The following HEATR5A variants were observed in gnomAD, a reference collection of about 807,000 sequenced individuals.
HEATR5A encodes the protein HEAT repeat containing 5A, also known as HEAT repeat-containing protein 5A.
HEATR5A carries 178 observed loss-of-function variants against 218.8 expected under a neutral mutation model. That is an observed-to-expected ratio of 0.81 (90% CI 0.72 to 0.92). HEATR5A has a LOEUF of 0.92. Ranked by LOEUF, HEATR5A falls within the 40% of genes least tolerant of loss-of-function variation. HEATR5A has a pLI of 0.00. For missense variants in HEATR5A, 2,420 were observed against 2,418.9 expected (o/e 1.00, Z -0.01); for synonymous variants, 864 against 871.6 (o/e 0.99, Z 0.15).
chr14:31,390,106 C>T (rs78525300), intron 6 of HEATR5A, among the ~76,000 whole-genome samples: 1,770 of 152,008 alleles, frequency 0.012, 19 homozygotes, highest in African/African-American at 0.035. Context: ...GTGTTCTAGG[C>T]AGAGGAAATG....
intron 13 of HEATR5A, among the ~76,000 whole-genome samples, chr14:31,367,569 A>ATTTTTTT (rs567217496): frequency 1.2e-4 from 7 of 60,316 alleles, no homozygotes; most frequent in East Asian, 5.9e-4. Flanking sequence ...TGCCCAGCTA[A>ATTTTTTT]TTTTTTTTTT....
intron 1 of HEATR5A, among the ~76,000 whole-genome samples, chr14:31,417,977 G>A (rs1342971400): frequency 1.3e-5 from 2 of 152,158 alleles, no homozygotes; most frequent in African/African-American, 4.8e-5. Context: ...GGAGGCCGAG[G>A]CGGGCGGATC....
In HEATR5A at chr14:31,316,545, T is replaced by C. The variant is rs1364953325; in HGVS notation, c.4039-596A>G. Reference sequence around the variant, plus strand: ...TTAAACATTTCTAGATGTATTAATATGGAGAAATGAAGCTATGAAATAATA... The same window carrying C: ...TTAAACATTTCTAGATGTATTAATACGGAGAAATGAAGCTATGAAATAATA... On this transcript the variant is annotated intron_variant, in intron 26 of 35. Coordinates refer to ENST00000543095, the MANE Select transcript of HEATR5A (RefSeq NM_015473.4). Among the ~76,000 whole-genome samples the C allele has an allele frequency of 1.3e-5, 2 of 152,248 alleles. 1 individual carries two copies. The highest frequency in any genetic ancestry group is 4.8e-5 in the African/African-American group (2 of 41,466).
rs757979277 is a variant in HEATR5A, at chr14:31,374,956, ACAACTG to A, written c.1715_1720del (p.Ala572_Val573del). On this transcript the variant is annotated inframe_deletion, in exon 12 of 36. Transcript: ENST00000543095. ...CAGAACTCGAGCAAGGTGATGGCTA[ACAACTG>A]CAGGACCTGTAATTTATTCAACTTG... 6.2e-7 allele frequency: 1 copy of A among 1,607,426 alleles called. No homozygotes were observed. The highest frequency in any genetic ancestry group is 8.5e-7 in the Non-Finnish European group (1 of 1,176,828).
intron 24 of HEATR5A, among the ~76,000 whole-genome samples, chr14:31,322,334 G>A (rs1179481372): frequency 6.6e-6 from 1 of 152,196 alleles, no homozygotes; most frequent in Non-Finnish European, 1.5e-5. Context: ...ACAGGAATCA[G>A]TTAAGTATCT....
rs1451696442 is a variant in HEATR5A at position 31,395,318 on chromosome 14, G to T, written c.478C>A (p.Leu160Met). Residue 160 changes from leucine to methionine, a missense_variant, in exon 5 of 36, where the codon CTG (leucine) becomes ATG (methionine). Transcript: ENST00000543095. ...CCTAGTCCATTCAATATATTTTGCA[G>T]ACTTAGCATAATCTCATATCGGCCT... ...SQGRYEIMLS[L>M]QNILNGLGAA... 17 of 1,527,676 alleles carry T rather than the reference G, an allele frequency of 1.1e-5. No homozygotes were observed. The highest frequency in any genetic ancestry group is 1.5e-5 in the Non-Finnish European group (17 of 1,141,062). The allele number at this position is 1,527,676 out of a possible 1,614,324, so 94.6% of individuals were successfully genotyped here.
In HEATR5A at chr14:31,372,696, G is replaced by T. The variant is rs985315110; in HGVS notation, c.1862-787C>A. ...TACAAAATTAGCTGAGCATGGTGGCGCATGCCTGTAATCCCAGCTACTCAG... is the reference window on the plus strand; with the variant it reads ...TACAAAATTAGCTGAGCATGGTGGCTCATGCCTGTAATCCCAGCTACTCAG... On this transcript the variant is annotated intron_variant, in intron 12 of 35. Coordinates refer to ENST00000543095, the MANE Select transcript of HEATR5A (RefSeq NM_015473.4). Among the ~76,000 whole-genome samples, 3 of 152,088 alleles carry T rather than the reference G, an allele frequency of 2.0e-5. No individual in the cohort carries two copies. The East Asian group carries it at 5.8e-4, about 29-fold the overall frequency.
At chr14:31,375,895 C>T (rs1902209564) in intron 11 of HEATR5A, among the ~76,000 whole-genome samples, 1 of 152,082 alleles carries the variant, frequency 6.6e-6, no homozygotes, top group Non-Finnish European at 1.5e-5. Flanking sequence ...TTTAAAAACC[C>T]AAACCCATAG....
chr14:31,385,821 G>A (rs973902311), intron 9 of HEATR5A, among the ~76,000 whole-genome samples: 3 of 152,046 alleles, frequency 2.0e-5, no homozygotes, highest in African/African-American at 7.2e-5. Flanking sequence ...TCCACGTCTG[G>A]GGCTCAAGCG....
At chr14:31,357,265 C>T (rs183695170) in intron 16 of HEATR5A, among the ~76,000 whole-genome samples, 149 of 152,318 alleles carry the variant, frequency 9.8e-4, no homozygotes, top group Middle Eastern at 3.4e-3. Context: ...GAAAGCACAT[C>T]ATCCCAAGAC....
At position 31,374,123 on chromosome 14, in the gene HEATR5A, T is replaced by C. The variant is rs181096978; in HGVS notation, c.1861+693A>G. Reference sequence around the variant, plus strand: ...GGGTTCGAGACCAGCCTGGGCAGCATAGTGAGACTCCATCTCTACAAAAAA... The same window carrying C: ...GGGTTCGAGACCAGCCTGGGCAGCACAGTGAGACTCCATCTCTACAAAAAA... On this transcript the variant is annotated intron_variant, in intron 12 of 35. Transcript: ENST00000543095. Among the ~76,000 whole-genome samples, 185 of 151,922 alleles carry C rather than the reference T, an allele frequency of 1.2e-3. 4 individuals carry two copies. The highest frequency in any genetic ancestry group is 3.8e-3 in the Admixed American group (58 of 15,250).
chr14:31,330,406 C>A (rs1020372722), intron 22 of HEATR5A, among the ~76,000 whole-genome samples: 4 of 152,124 alleles, frequency 2.6e-5, no homozygotes, highest in African/African-American at 9.7e-5. Context: ...CCCATAAAAC[C>A]ATTTTTCCCT....
intron 23 of HEATR5A, 43 bp from the exon 24 acceptor site, chr14:31,323,847 GAT>G (rs57656564): frequency 0.86 from 837,284 of 968,854 alleles, 362,459 homozygotes; most frequent in Middle Eastern, 0.9. Flanking sequence ...TCAACTGAAA[GAT>G]ATATATATAT....
Position 31,380,573 on chromosome 14 carries a change from A to C in HEATR5A, c.1602T>G (p.Ile534Met). ...LGIPHGKGKI[I>M]MTLAEDLLCS... ...ACAGCAAATCCTCTGCTAATGTCATAATAATCTATTTACATATAGAACAAG... is the reference window on the plus strand; with the variant it reads ...ACAGCAAATCCTCTGCTAATGTCATCATAATCTATTTACATATAGAACAAG... The change falls in exon 11 of 36, where the codon ATT (isoleucine) becomes ATG (methionine). Residue 534 changes from isoleucine (I) to methionine (M), a missense_variant. By Grantham distance (10) the Ile-to-Met change is conservative. Coordinates refer to ENST00000543095, the MANE Select transcript of HEATR5A (RefSeq NM_015473.4). 6.3e-7 allele frequency: 1 copy of C among 1,583,448 alleles called. No individual in the cohort carries two copies. The highest frequency in any genetic ancestry group is 8.6e-7 in the Non-Finnish European group (1 of 1,162,724).
intron 16 of HEATR5A, among the ~76,000 whole-genome samples, chr14:31,351,785 T>TC (rs892266121): frequency 5.9e-5 from 9 of 151,886 alleles, no homozygotes; most frequent in Non-Finnish European, 1.2e-4. Flanking sequence ...GCTAATTTTT[T>TC]TTTTTTTTTA....
chr14:31,293,679 C>T, intron 35 of HEATR5A, 67 bp from the exon 36 acceptor site: 1 of 1,393,680 alleles, frequency 7.2e-7, no homozygotes, highest in Non-Finnish European at 9.7e-7. Flanking sequence ...TGCAAATGCA[C>T]TTGATCTGTA....
At chr14:31,302,545 CA>C (rs1162016263) in intron 32 of HEATR5A, 26 bp from the exon 33 acceptor site, 6 of 1,416,572 alleles carry the variant, frequency 4.2e-6, no homozygotes, top group Non-Finnish European at 5.9e-6. Context: ...TTTAAAAACA[CA>C]CTGGATTTCA....
intron 14 of HEATR5A, among the ~76,000 whole-genome samples, chr14:31,362,764 T>G: frequency 7.0e-6 from 1 of 142,480 alleles, no homozygotes; most frequent in African/African-American, 2.6e-5. Flanking sequence ...GTTGACAGAG[T>G]GAGGCCCCAT....
chr14:31,304,777 T>C, intron 32 of HEATR5A, 128 bp downstream of exon 32: 1 of 930,680 alleles, frequency 1.1e-6, no homozygotes, highest in Non-Finnish European at 1.6e-6. Flanking sequence ...CTTAGAGGAT[T>C]AAAGACAATA....
Sources: gnomAD v4.1 joint callset for allele counts (sites outside exome capture counted in the v4.1 genomes callset) on GRCh38, gnomAD v4.1.1 for gene constraint, MANE v1.5 for transcripts, NCBI Gene and HGNC (gene_info 2026-07-23, HGNC 2026-07-21) for gene names.